The following TDRD7 variants were observed in gnomAD, a reference collection of about 807,000 sequenced individuals.
TDRD7 encodes tudor domain-containing protein 7.
In TDRD7, 47 loss-of-function variants were observed where a neutral mutation model predicts 109.8. The observed-to-expected ratio is 0.43, with a 90% CI of 0.34 to 0.55. The LOEUF (loss-of-function observed/expected upper bound fraction) is 0.55, where lower values mean the gene tolerates loss of function less well. Ranked by LOEUF, TDRD7 falls within the 20% of genes least tolerant of loss-of-function variation. The pLI, the probability that TDRD7 is intolerant of heterozygous loss-of-function variation, is 0.03. For missense variants in TDRD7, 1,164 were observed against 1,319.2 expected, an observed-to-expected ratio of 0.88 and a Z score of 1.82; for synonymous variants, 424 against 457.3, an observed-to-expected ratio of 0.93 and a Z score of 0.93.
intron 4 of TDRD7, among the ~76,000 whole-genome samples, chr9:97,437,185 A>G (rs1828216903): frequency 6.6e-6 from 1 of 152,202 alleles, no homozygotes; most frequent in Admixed American, 6.6e-5. Flanking sequence ...GTGGGTCAGG[A>G]AGGAAGACAC....
chr9:97,421,749 C>T (rs1426624509), intron 1 of TDRD7, among the ~76,000 whole-genome samples: 3 of 142,954 alleles, frequency 2.1e-5, no homozygotes, highest in African/African-American at 5.3e-5. Context: ...TGTGTGAAGA[C>T]GGAGTCTCAC....
At chr9:97,460,992 T>C (rs1203350322) in intron 7 of TDRD7, among the ~76,000 whole-genome samples, 1 of 151,932 alleles carries the variant, frequency 6.6e-6, no homozygotes, top group African/African-American at 2.4e-5. Context: ...ATACAAAAAA[T>C]TAGCAGGGCG....
At chr9:97,440,112 G>C (rs1828275739) in intron 5 of TDRD7, among the ~76,000 whole-genome samples, 1 of 151,884 alleles carries the variant, frequency 6.6e-6, no homozygotes, top group African/African-American at 2.4e-5. Flanking sequence ...TATGATTTTT[G>C]TTTACATGAA....
chr9:97,454,134 G>A (rs4743094), intron 6 of TDRD7, among the ~76,000 whole-genome samples: 80,372 of 152,026 alleles, frequency 0.53, 21,409 homozygotes, highest in African/African-American at 0.59. Context: ...GAAATTGACC[G>A]CATATTTGGA....
chr9:97,418,653 TC>T (rs1177706308), intron 1 of TDRD7, among the ~76,000 whole-genome samples: 1 of 152,144 alleles, frequency 6.6e-6, no homozygotes, highest in Admixed American at 6.5e-5. Context: ...AAAATGGTTC[TC>T]CCAAGGGTGG....
chr9:97,495,773 TG>T lies in TDRD7; in HGVS notation c.3190del (p.Asp1064ThrfsTer4), dbSNP rs1428321958. The T allele has an allele frequency of 6.2e-7, 1 of 1,614,154 alleles. No homozygotes were observed. The highest frequency in any genetic ancestry group is 1.1e-5 in the South Asian group (1 of 91,090). ...GACAGTCATTGAAAATGCTAACCCTTGGGACCGGAAAGTAGTGGTCTACTTA... is the reference window on the plus strand; with the variant it reads ...GACAGTCATTGAAAATGCTAACCCTTGGACCGGAAAGTAGTGGTCTACTTA... ...VQTVIENANP[W>X]DRKVVVYLVD... On this transcript the variant is annotated frameshift_variant, in exon 17 of 17. Coordinates refer to ENST00000355295, the MANE Select transcript of TDRD7 (RefSeq NM_014290.3). LOFTEE classifies it high-confidence loss of function.
intron 6 of TDRD7, among the ~76,000 whole-genome samples, chr9:97,443,785 G>A (rs1587869577): frequency 1.3e-5 from 2 of 152,144 alleles, no homozygotes; most frequent in Admixed American, 6.5e-5. Context: ...TTTGCACACC[G>A]TAGAAAGTTT....
At chr9:97,488,560 G>GTT (rs61689126) in intron 16 of TDRD7, among the ~76,000 whole-genome samples, 2,701 of 140,120 alleles carry the variant, frequency 0.019, 38 homozygotes, top group Middle Eastern at 0.032. Flanking sequence ...AGATTTAATG[G>GTT]TTTTTTTTTT....
At chr9:97,475,506 A>T (rs753548848) in intron 12 of TDRD7, 37 bp downstream of exon 12, 3 of 1,407,012 alleles carry the variant, frequency 2.1e-6, no homozygotes, top group Non-Finnish European at 3.0e-6. Flanking sequence ...ATCTTAACTT[A>T]TTGTGAAATA....
At position 97,441,787 on chromosome 9, in the gene TDRD7, A is replaced by C. The variant is rs1228389922; in HGVS notation, c.767A>C (p.Lys256Thr). Reference sequence around the variant, plus strand: ...CATAACAATGGCATTTGGATATCTAAGCTTCCACATTTTTACAAAGAGTTA... The same window carrying C: ...CATAACAATGGCATTTGGATATCTACGCTTCCACATTTTTACAAAGAGTTA... ...NKHNNGIWIS[K>T]LPHFYKELYK... Residue 256 changes from lysine to threonine, a missense_variant, in exon 6 of 17, where the codon AAG (lysine) becomes ACG (threonine). This residue lies in a region of TDRD7 where 407 missense variants were observed against 394.0 expected (regional missense o/e 1.03). Transcript: ENST00000355295. 6.2e-7 allele frequency: 1 copy of C among 1,613,908 alleles called. No individual in the cohort carries two copies. Among genetic ancestry groups the C allele is most frequent in the East Asian group, 2.2e-5 (1 of 44,816 alleles).
chr9:97,495,471 T>C (rs1357304849), intron 16 of TDRD7, among the ~76,000 whole-genome samples, 192 bp from the exon 17 acceptor site: 1 of 152,236 alleles, frequency 6.6e-6, no homozygotes, highest in Non-Finnish European at 1.5e-5. Context: ...CCAGAGTGAC[T>C]CCATTCAGAG....
chr9:97,428,364 A>C (rs1170201991), intron 1 of TDRD7, 96 bp from the exon 2 acceptor site: 1 of 1,225,658 alleles, frequency 8.2e-7, no homozygotes, highest in African/African-American at 1.5e-5. Context: ...GTATGCAGTA[A>C]TAATTTATAA....
rs1828116026 is a variant in TDRD7 at position 97,432,189 on chromosome 9, T to A, written c.514T>A (p.Phe172Ile). Residue 172 changes from phenylalanine to isoleucine, a missense_variant, in exon 4 of 17, where the codon TTC (phenylalanine) becomes ATC (isoleucine). Transcript: ENST00000355295. ...ACACACAACTCTTGGAAATGAAGCA[T>A]TCAAAGACATTCCAGTGCAAAGGCA... ...MLHTTLGNEAFKDIPVQRHVT... is the reference protein window; with the variant it reads ...MLHTTLGNEAIKDIPVQRHVT... 6.2e-7 allele frequency: 1 copy of A among 1,613,710 alleles called. No homozygotes were observed. The highest frequency in any genetic ancestry group is 1.3e-5 in the African/African-American group (1 of 74,898).
chr9:97,483,474 A>G, intron 15 of TDRD7, 123 bp downstream of exon 15: 1 of 1,194,842 alleles, frequency 8.4e-7, no homozygotes, highest in Non-Finnish European at 1.2e-6. Context: ...TGTGAAACAA[A>G]CACAGTAATT....
intron 8 of TDRD7, among the ~76,000 whole-genome samples, chr9:97,469,102 A>G (rs564070170): frequency 6.6e-6 from 1 of 152,362 alleles, no homozygotes; most frequent in South Asian, 2.1e-4. Flanking sequence ...CCCAGGAGTC[A>G]TGATTTCACA....
At chr9:97,420,527 T>C (rs1319330250) in intron 1 of TDRD7, among the ~76,000 whole-genome samples, 2 of 152,200 alleles carry the variant, frequency 1.3e-5, no homozygotes, top group Non-Finnish European at 2.9e-5. Context: ...TTCACATAAA[T>C]AGAATCATGT....
At chr9:97,438,376 A>G (rs919725684) in intron 4 of TDRD7, among the ~76,000 whole-genome samples, 3 of 152,168 alleles carry the variant, frequency 2.0e-5, no homozygotes, top group African/African-American at 4.8e-5. Flanking sequence ...ACTGGCAGCT[A>G]TGTGTACCAT....
intron 6 of TDRD7, among the ~76,000 whole-genome samples, chr9:97,442,319 T>C (rs1043214554): frequency 6.6e-6 from 1 of 152,166 alleles, no homozygotes; most frequent in East Asian, 1.9e-4. Context: ...ACTAATTATA[T>C]AGAGTTCTTA....
chr9:97,487,381 A>AT (rs1460939265), intron 16 of TDRD7, 49 bp downstream of exon 16: 2 of 1,611,928 alleles, frequency 1.2e-6, no homozygotes, highest in African/African-American at 1.3e-5. Context: ...CAATATTGTC[A>AT]TTTTATCCTG....
Sources: gnomAD v4.1 joint callset for allele counts (sites outside exome capture counted in the v4.1 genomes callset) on GRCh38, gnomAD v4.1.1 for gene constraint, gnomAD v4.1.1 regional missense constraint, MANE v1.5 for transcripts, NCBI Gene and HGNC (gene_info 2026-07-23, HGNC 2026-07-21) for gene names.